Variants in CYRIB observed in about 807,000 individuals in gnomAD.
CYRIB encodes the protein CYFIP-related Rac1 interactor B.
Under a neutral mutation model 44.2 loss-of-function variants are expected in CYRIB, and 8 were observed. The observed-to-expected ratio is 0.18, with a 90% CI of 0.11 to 0.33. The LOEUF is 0.33. CYRIB is among the 10% of genes least tolerant of loss of function. The pLI is 1.00. For synonymous variants in CYRIB, 131 were observed against 127.2 expected (o/e 1.03, Z -0.20); for missense variants, 185 against 382.8 (o/e 0.48, Z 4.31).
chr8:129,863,466 A>T (rs760699522), intron 4 of CYRIB, among the ~76,000 whole-genome samples: 1 of 151,956 alleles, frequency 6.6e-6, no homozygotes, highest in Non-Finnish European at 1.5e-5. Context: ...TGGAGGCTGC[A>T]GTGAGCCGAG....
At chr8:129,909,325 A>G (rs540695945) in intron 1 of CYRIB, among the ~76,000 whole-genome samples, 66 of 152,294 alleles carry the variant, frequency 4.3e-4, no homozygotes, top group African/African-American at 1.6e-3. Flanking sequence ...CTCACTACAC[A>G]AAATACATAA....
At chr8:129,876,411 C>T (rs780776257) in intron 3 of CYRIB, among the ~76,000 whole-genome samples, 2 of 152,090 alleles carry the variant, frequency 1.3e-5, no homozygotes, top group African/African-American at 4.8e-5. Flanking sequence ...CGTGTCTATC[C>T]TCTCCTACTA....
intron 4 of CYRIB, 26 bp from the exon 7 acceptor site, chr8:129,862,360 GT>G: frequency 6.9e-7 from 1 of 1,452,320 alleles, no homozygotes; most frequent in Non-Finnish European, 9.5e-7. Flanking sequence ...AATAAAAATA[GT>G]TAGAGTTAAA....
chr8:129,986,390 G>C (rs776408730), intron 1 of CYRIB, among the ~76,000 whole-genome samples: 1 of 152,130 alleles, frequency 6.6e-6, no homozygotes, highest in Non-Finnish European at 1.5e-5. Context: ...CCCTAGCCAG[G>C]TGCTACAGTT....
At chr8:129,864,308 T>C (rs1307447390) in intron 4 of CYRIB, among the ~76,000 whole-genome samples, 2 of 152,220 alleles carry the variant, frequency 1.3e-5, no homozygotes, top group Non-Finnish European at 1.5e-5. Flanking sequence ...AATGAGAACA[T>C]CTCAAAGAGA....
At chr8:129,977,330 T>A (rs2095977290) in intron 1 of CYRIB, among the ~76,000 whole-genome samples, 1 of 152,154 alleles carries the variant, frequency 6.6e-6, no homozygotes, top group South Asian at 2.1e-4. Flanking sequence ...ACACATGAAC[T>A]CTGCTATGCT....
intron 1 of CYRIB, among the ~76,000 whole-genome samples, chr8:129,924,265 C>A (rs1272189942): frequency 9.3e-6 from 1 of 107,102 alleles, no homozygotes; most frequent in Admixed American, 1.4e-4. Context: ...CAGAGTGAGA[C>A]CTGCCTCCAA....
chr8:129,897,732 C>T (rs185993307), intron 2 of CYRIB, among the ~76,000 whole-genome samples: 2 of 151,132 alleles, frequency 1.3e-5, no homozygotes, highest in African/African-American at 4.9e-5. Flanking sequence ...CCCAGGAGTT[C>T]GAGACCAGCC....
At chr8:129,899,440 C>G (rs1363383164) in intron 2 of CYRIB, among the ~76,000 whole-genome samples, 5 of 152,060 alleles carry the variant, frequency 3.3e-5, no homozygotes, top group Non-Finnish European at 7.4e-5. Context: ...TTATTAGGAC[C>G]AAATGCAGTA....
intron 1 of CYRIB, among the ~76,000 whole-genome samples, chr8:129,983,981 T>A (rs1467175159): frequency 2.0e-5 from 3 of 152,340 alleles, no homozygotes; most frequent in African/African-American, 7.2e-5. Flanking sequence ...GGGAGCTTTT[T>A]AAAAATATTG....
upstream of CYRIB, among the ~76,000 whole-genome samples, chr8:129,940,909 C>T (rs966997077): frequency 2.0e-5 from 3 of 152,158 alleles, no homozygotes; most frequent in Non-Finnish European, 4.4e-5. Flanking sequence ...GGGAGCCTAT[C>T]CATGAAATCC....
intron 2 of CYRIB, among the ~76,000 whole-genome samples, chr8:129,898,029 G>A (rs565486879): frequency 6.6e-6 from 1 of 152,040 alleles, no homozygotes; most frequent in East Asian, 1.9e-4. Context: ...CTCTCAAGGT[G>A]CTGGAATTAC....
At chr8:129,910,366 T>C (rs1318535684) in intron 1 of CYRIB, among the ~76,000 whole-genome samples, 1 of 152,182 alleles carries the variant, frequency 6.6e-6, no homozygotes, top group African/African-American at 2.4e-5. Context: ...CATCAAGGTC[T>C]TTATACCTAG....
At chr8:129,894,384 C>T (rs561757600) in intron 2 of CYRIB, 29 of 152,240 alleles carry the variant, frequency 1.9e-4, no homozygotes, top group East Asian at 1.2e-3. Flanking sequence ...AAAATGTGCA[C>T]CTCTTTGTAT....
intron 2 of CYRIB, among the ~76,000 whole-genome samples, chr8:129,965,650 A>G (rs1434178082): frequency 1.3e-5 from 2 of 151,252 alleles, no homozygotes; most frequent in South Asian, 2.1e-4. Flanking sequence ...CAAAAAATTA[A>G]CCGGGCGTGG....
intron 3 of CYRIB, among the ~76,000 whole-genome samples, chr8:129,877,836 C>G (rs963612083): frequency 6.6e-6 from 1 of 152,018 alleles, no homozygotes; most frequent in African/African-American, 2.4e-5. Context: ...AAGTCTTGAA[C>G]AAGATCTTGA....
chr8:129,897,334 A>C (rs753138181), intron 2 of CYRIB, among the ~76,000 whole-genome samples: 2 of 152,156 alleles, frequency 1.3e-5, no homozygotes, highest in Admixed American at 6.6e-5. Context: ...AGCACAATTA[A>C]GACATGAATT....
intron 3 of CYRIB, among the ~76,000 whole-genome samples, chr8:129,872,719 T>A (rs1267159206): frequency 3.9e-5 from 6 of 152,008 alleles, no homozygotes; most frequent in Non-Finnish European, 8.8e-5. Context: ...ATTTATAAGA[T>A]GAAGTAAGAA....
At chr8:129,958,607 G>A (rs1332691645) in intron 2 of CYRIB, among the ~76,000 whole-genome samples, 2 of 152,204 alleles carry the variant, frequency 1.3e-5, no homozygotes, top group African/African-American at 4.8e-5. Flanking sequence ...AAAGTCAAAA[G>A]GGGAGAGAAA....
Sources: gnomAD v4.1 joint callset for allele counts (sites outside exome capture counted in the v4.1 genomes callset) on GRCh38, gnomAD v4.1.1 for gene constraint, MANE v1.5 for transcripts, NCBI Gene and HGNC (gene_info 2026-07-23, HGNC 2026-07-21) for gene names.